Variants in GPHN observed in about 807,000 individuals in gnomAD.
GPHN encodes the protein gephyrin.
Under a neutral mutation model 95.5 loss-of-function variants are expected in GPHN, and 17 were observed. The ratio of observed to expected loss-of-function variants is 0.18; its 90% CI spans 0.12 to 0.27. The LOEUF is 0.27. GPHN is among the 10% of genes least tolerant of loss of function. The pLI, the probability that GPHN is intolerant of heterozygous loss-of-function variation, is 1.00. For missense variants in GPHN, 660 were observed against 978.1 expected (o/e 0.67, Z 4.34); for synonymous variants, 320 against 322.5 (o/e 0.99, Z 0.08).
the GPHN span, among the ~76,000 whole-genome samples, chr14:67,701,324 C>CA: frequency 1.3e-5 from 2 of 151,154 alleles, no homozygotes; most frequent in East Asian, 3.9e-4. Context: ...CATAGAGGAC[C>CA]AAAATCTCAA....
intron 13 of GPHN, among the ~76,000 whole-genome samples, chr14:67,102,630 A>C (rs1445713398): frequency 6.6e-6 from 1 of 152,184 alleles, no homozygotes; most frequent in African/African-American, 2.4e-5. Flanking sequence ...ACTGCACTCC[A>C]GCCTGGGCAA....
rs71129809 is a variant in GPHN, at chr14:66,949,993, G to GAAA, written c.829-15175_829-15173dup. On this transcript the variant is annotated intron_variant, in intron 8 of 22. Coordinates refer to ENST00000478722, the MANE Select transcript of GPHN (RefSeq NM_020806.5). ...ACCAGTGAAATTAGCTTTAGGACAG[G>GAAA]AAAAAAAAAAAAAAAAAAAAAAAAA... Among the ~76,000 whole-genome samples the GAAA allele has an allele frequency of 5.5e-3, 317 of 57,782 alleles. 2 individuals carry two copies. Among genetic ancestry groups the GAAA allele is most frequent in the African/African-American group, 8.6e-3 (172 of 19,972 alleles). 37.9% of individuals were successfully genotyped at this position (57,782 alleles called of 152,430 possible). A position where few individuals can be genotyped will look rare whatever the true frequency, so the allele number is the denominator to read the frequency against.
chr14:67,499,159 C>T, the GPHN span, among the ~76,000 whole-genome samples: 2 of 152,172 alleles, frequency 1.3e-5, no homozygotes, highest in African/African-American at 4.8e-5. Context: ...CATGGCACAA[C>T]ACCCAGGTAA....
rs2057860782 is a variant in GPHN, at chr14:66,508,177, CTTGGG to C, written c.-349_-345del. 3 of 482,800 alleles carry C rather than the reference CTTGGG, an allele frequency of 6.2e-6. No individual in the cohort carries two copies. Among genetic ancestry groups the C allele is most frequent in the Non-Finnish European group, 1.1e-5 (3 of 262,702 alleles). 29.9% of individuals were successfully genotyped at this position (482,800 alleles called of 1,614,324 possible). On this transcript the variant is annotated 5_prime_UTR_variant, in exon 1 of 23. Transcript: ENST00000478722. Reference sequence around the variant, plus strand: ...CCTCTCAGTCCTGCCATCTAGCTGCCTTGGGTCTCGCGCTCCGCAGAGCGTTCCGA... The same window carrying C: ...CCTCTCAGTCCTGCCATCTAGCTGCCTCTCGCGCTCCGCAGAGCGTTCCGA...
intron 16 of GPHN, 30 bp from the exon 17 acceptor site, chr14:67,122,226 A>G (rs1382394407): frequency 6.2e-7 from 1 of 1,610,916 alleles, no homozygotes. Context: ...ACCTAATAGA[A>G]TAATTTGTGG....
chr14:66,578,654 GAAAAAA>G (rs574302625), intron 1 of GPHN, among the ~76,000 whole-genome samples: 2 of 59,682 alleles, frequency 3.4e-5, no homozygotes, highest in Admixed American at 4.1e-4. Flanking sequence ...GGGATAGAGT[GAAAAAA>G]AAAAAAAAAA....
At chr14:66,785,820 A>G (rs543444910) in intron 3 of GPHN, among the ~76,000 whole-genome samples, 16 of 152,026 alleles carry the variant, frequency 1.1e-4, no homozygotes, top group Non-Finnish European at 1.6e-4. Context: ...ATCAAATAAG[A>G]TGTCTCAAAT....
At chr14:67,292,846 A>G in the GPHN span, 3 of 714,562 alleles carry the variant, frequency 4.2e-6, no homozygotes, top group East Asian at 8.6e-5. Flanking sequence ...TTACATGTTA[A>G]TAATGTATTG....
At chr14:67,418,665 A>G in the GPHN span, among the ~76,000 whole-genome samples, 1 of 152,298 alleles carries the variant, frequency 6.6e-6, no homozygotes, top group Middle Eastern at 3.4e-3. Flanking sequence ...TGTTGTAAAC[A>G]CTGAGATCTG....
intron 5 of GPHN, among the ~76,000 whole-genome samples, chr14:66,894,946 G>A (rs2064750163): frequency 6.6e-6 from 1 of 152,220 alleles, no homozygotes; most frequent in Non-Finnish European, 1.5e-5. Context: ...GGAAGACAGT[G>A]TGTCGATTCC....
At chr14:66,632,843 C>T (rs756617547) in intron 1 of GPHN, among the ~76,000 whole-genome samples, 9 of 152,058 alleles carry the variant, frequency 5.9e-5, no homozygotes, top group South Asian at 2.1e-4. Context: ...TAACATTCCA[C>T]GTTTGTTATG....
At chr14:66,624,848 A>G (rs1348845753) in intron 1 of GPHN, among the ~76,000 whole-genome samples, 4 of 152,212 alleles carry the variant, frequency 2.6e-5, no homozygotes, top group African/African-American at 9.6e-5. Flanking sequence ...AAGTTATGAT[A>G]TCTTTTTCCT....
At chr14:66,935,734 GTT>G (rs887238507) in intron 8 of GPHN, among the ~76,000 whole-genome samples, 1 of 151,480 alleles carries the variant, frequency 6.6e-6, no homozygotes, top group African/African-American at 2.4e-5. Flanking sequence ...GTATACATGT[GTT>G]TATGTATACA....
At chr14:67,545,365 T>A in the GPHN span, among the ~76,000 whole-genome samples, 4 of 152,260 alleles carry the variant, frequency 2.6e-5, no homozygotes, top group Non-Finnish European at 5.9e-5. Context: ...GTTCTATTTA[T>A]ATGAGAAAGA....
intron 1 of GPHN, among the ~76,000 whole-genome samples, chr14:66,517,644 T>C (rs1014342143): frequency 1.3e-5 from 2 of 152,160 alleles, no homozygotes; most frequent in African/African-American, 4.8e-5. Flanking sequence ...TCCTCATATC[T>C]ACAGCCAACT....
the GPHN span, among the ~76,000 whole-genome samples, chr14:67,391,570 G>A: frequency 3.1e-4 from 47 of 152,280 alleles, no homozygotes; most frequent in African/African-American, 9.9e-4. Context: ...CACATGCTCC[G>A]AGTAACGATG....
the GPHN span, among the ~76,000 whole-genome samples, chr14:67,396,944 CTTT>C: frequency 1.4e-5 from 2 of 139,468 alleles, no homozygotes; most frequent in Non-Finnish European, 3.1e-5. Flanking sequence ...TATTGGGAGA[CTTT>C]TTTTTTTTTT....
intron 9 of GPHN, among the ~76,000 whole-genome samples, chr14:66,975,128 T>G (rs1007217841): frequency 3.3e-5 from 5 of 152,202 alleles, no homozygotes; most frequent in African/African-American, 1.2e-4. Flanking sequence ...GTAAATTACC[T>G]TCTACAATAT....
At chr14:66,950,053 A>G (rs2153578254) in intron 8 of GPHN, among the ~76,000 whole-genome samples, 1 of 151,740 alleles carries the variant, frequency 6.6e-6, no homozygotes, top group African/African-American at 2.4e-5. Flanking sequence ...TCCTAGGAAA[A>G]TTATGTGTTC....
Sources: gnomAD v4.1 joint callset for allele counts (sites outside exome capture counted in the v4.1 genomes callset) on GRCh38, gnomAD v4.1.1 for gene constraint, MANE v1.5 for transcripts, NCBI Gene and HGNC (gene_info 2026-07-23, HGNC 2026-07-21) for gene names.